Variants in SRR observed in about 807,000 individuals in gnomAD.
SRR encodes the protein serine racemase.
Under a neutral mutation model 32.7 loss-of-function variants are expected in SRR, and 19 were observed. The ratio of observed to expected loss-of-function variants is 0.58; its 90% confidence interval spans 0.40 to 0.85. The LOEUF (loss-of-function observed/expected upper bound fraction) is 0.85, where lower values mean the gene tolerates loss of function less well. Ranked by LOEUF, SRR falls within the 40% of genes least tolerant of loss-of-function variation. The pLI is 0.00. For missense variants in SRR, 373 were observed against 404.7 expected, an observed-to-expected ratio of 0.92 and a Z score of 0.67; for synonymous variants, 142 against 140.9, an observed-to-expected ratio of 1.01 and a Z score of -0.06.
rs1597273709 is a variant in SRR, at chr17:2,325,061, G to A, written c.*1188G>A. On this transcript the variant is annotated 3_prime_UTR_variant, in exon 8 of 8. Transcript: ENST00000344595. ...AACAAAACCATACTTTTTCTCATCAGTTGTTACAAGGAAAGGATGTTGAAC... is the reference window on the plus strand; with the variant it reads ...AACAAAACCATACTTTTTCTCATCAATTGTTACAAGGAAAGGATGTTGAAC... 8 of 599,512 alleles carry A rather than the reference G, an allele frequency of 1.3e-5. No individual in the cohort carries two copies. The East Asian group carries it at 2.0e-4, about 15-fold the overall frequency. 37.1% of individuals were successfully genotyped at this position (599,512 alleles called of 1,614,324 possible).
Position 2,317,895 on chromosome 17 carries a change from G to C in SRR, c.194G>C (p.Arg65Thr). ...ATTCGTGGTGCTCTCAATGCCGTCA[G>C]AAGCTTGGTTCCTGATGCTTTAGAA... ...FKIRGALNAV[R>T]SLVPDALERK... Residue 65 changes from arginine (R) to threonine (T), a missense_variant, in exon 3 of 8, where the codon AGA (arginine) becomes ACA (threonine). Transcript: ENST00000344595. The C allele has an allele frequency of 6.2e-7, 1 of 1,613,902 alleles. No individual in the cohort carries two copies. The highest frequency in any genetic ancestry group is 8.5e-7 in the Non-Finnish European group (1 of 1,179,940).
At chr17:2,307,319 T>C (rs900297474) in intron 1 of SRR, 21 of 1,060,242 alleles carry the variant, frequency 2.0e-5, no homozygotes, top group South Asian at 7.5e-5. Flanking sequence ...CAAGAGATGG[T>C]GAGTGCTTCA....
intron 2 of SRR, among the ~76,000 whole-genome samples, chr17:2,316,874 A>G (rs1382610442): frequency 1.6e-4 from 21 of 131,652 alleles, no homozygotes; most frequent in South Asian, 7.0e-4. Flanking sequence ...CACCACGCCC[A>G]GCTAATTTTT....
intron 1 of SRR, chr17:2,306,779 C>T: frequency 1.5e-6 from 1 of 683,576 alleles, no homozygotes; most frequent in Admixed American, 2.2e-5. Context: ...TCAGAGTCTC[C>T]TAAAGAGCTC....
chr17:2,323,514 C>A, intron 7 of SRR, 141 bp from the exon 8 acceptor site: 5 of 1,155,546 alleles, frequency 4.3e-6, no homozygotes, highest in Middle Eastern at 5.8e-4. Flanking sequence ...GAAGCAGAGT[C>A]AGAATTAAAG....
At chr17:2,323,017 G>A (rs1435995135) in intron 6 of SRR, 119 bp from the exon 7 acceptor site, 18 of 1,024,506 alleles carry the variant, frequency 1.8e-5, no homozygotes, top group Middle Eastern at 3.1e-4. Flanking sequence ...CACCCGCCTC[G>A]GGCTCCCAAA....
intron 4 of SRR, 85 bp downstream of exon 4, chr17:2,319,014 C>T (rs1225513052): frequency 1.1e-6 from 1 of 924,870 alleles, no homozygotes; most frequent in Non-Finnish European, 1.7e-6. Flanking sequence ...TCCTTCTCAG[C>T]CTCCTTTGTG....
At chr17:2,303,797 GCGCGCGCTCGCCCA>G, upstream of SRR, 4 of 1,228,064 alleles carry the variant, frequency 3.3e-6, no homozygotes, top group South Asian at 4.3e-5. Flanking sequence ...GACGGGCGGC[GCGCGCGCTCGCCCA>G]CCTCCCGGCC....
intron 6 of SRR, 88 bp downstream of exon 6, chr17:2,321,704 C>T (rs539063416): frequency 2.2e-4 from 261 of 1,170,730 alleles, no homozygotes; most frequent in Non-Finnish European, 3.2e-4. Flanking sequence ...CAACATTCTG[C>T]ACACATTACC....
At chr17:2,307,538 T>C (rs1346210949) in intron 1 of SRR, 3 of 1,222,580 alleles carry the variant, frequency 2.5e-6, no homozygotes, top group Non-Finnish European at 2.4e-6. Flanking sequence ...GAAGCTACAA[T>C]GATTTTGGCA....
chr17:2,305,183 G>A (rs972479032), intron 1 of SRR, among the ~76,000 whole-genome samples: 4 of 152,256 alleles, frequency 2.6e-5, no homozygotes, highest in African/African-American at 9.6e-5. Flanking sequence ...TGAGTGGTCA[G>A]AGCAGAAGAC....
intron 1 of SRR, among the ~76,000 whole-genome samples, chr17:2,311,819 G>A (rs2075435689): frequency 6.6e-6 from 1 of 152,118 alleles, no homozygotes; most frequent in Non-Finnish European, 1.5e-5. Context: ...TTGGCAGTCT[G>A]GCCAATGGAA....
intron 4 of SRR, among the ~76,000 whole-genome samples, chr17:2,320,035 G>A (rs1397201202): frequency 1.3e-5 from 2 of 150,458 alleles, no homozygotes; most frequent in South Asian, 2.1e-4. Flanking sequence ...AGCCAGGATG[G>A]TCTCGATCTC....
Position 2,318,809 on chromosome 17 carries a change from T to A in SRR, c.296-17T>A, listed in dbSNP as rs2151434958. 1 of 1,596,706 alleles carries A rather than the reference T, an allele frequency of 6.3e-7. No homozygotes were observed. Among genetic ancestry groups the A allele is most frequent in the Non-Finnish European group, 8.6e-7 (1 of 1,164,832 alleles). On this transcript the variant is annotated splice_polypyrimidine_tract_variant and intron_variant, in intron 3 of 7. Transcript: ENST00000344595. ...TCTAAATTCTCCTGACTTTTTCCTC[T>A]CGTTTTCCTCTCCCAGGAATTCCTG...
At chr17:2,316,127 G>A (rs979210116) in intron 2 of SRR, among the ~76,000 whole-genome samples, 1 of 152,072 alleles carries the variant, frequency 6.6e-6, no homozygotes, top group African/African-American at 2.4e-5. Flanking sequence ...TCTGTGTTTA[G>A]ATACAGAAAT....
Position 2,323,852 on chromosome 17 carries a change from T to C in SRR, c.1002T>C (p.Ser334=), listed in dbSNP as rs761240669. 6.2e-7 allele frequency: 1 copy of C among 1,614,100 alleles called. No individual in the cohort carries two copies. The highest frequency in any genetic ancestry group is 1.7e-5 in the Admixed American group (1 of 60,026). The change falls in exon 8 of 8, where the codon TCT becomes TCC. Residue 334 remains serine (S), a synonymous_variant. Transcript: ENST00000344595. ...TGAAGCAGGCTGAAAGGCCAGCTTC[T>C]TATCAGTCTGTTTCTGTTTAATTTA... is the stretch of plus-strand genomic sequence containing the variant. ...TWVKQAERPA[S]YQSVSV is the part of the protein sequence containing the mutation.
At chr17:2,323,606 C>G (rs746947026) in intron 7 of SRR, 49 bp from the exon 8 acceptor site, 1 of 1,586,266 alleles carries the variant, frequency 6.3e-7, no homozygotes, top group Non-Finnish European at 8.7e-7. Flanking sequence ...TATAGGTAAA[C>G]CAACTAGACT....
chr17:2,303,643 G>A (rs1287575629), upstream of SRR: 47 of 1,486,602 alleles, frequency 3.2e-5, no homozygotes, highest in Non-Finnish European at 4.1e-5. Flanking sequence ...CTCTGCTCCC[G>A]GCCTGCGGGG....
chr17:2,303,696 G>A (rs917466122), upstream of SRR: 4 of 1,496,884 alleles, frequency 2.7e-6, no homozygotes, highest in East Asian at 2.9e-5. Flanking sequence ...GCGGAGATCC[G>A]CACACGCTCC....
Sources: allele counts gnomAD v4.1 joint callset (sites outside exome capture counted in the v4.1 genomes callset), GRCh38; gene constraint gnomAD v4.1.1; transcripts MANE v1.5; gene names NCBI Gene and HGNC (gene_info 2026-07-23, HGNC 2026-07-21).